The following MDN1 variants were observed in gnomAD, a reference collection of about 807,000 sequenced individuals.
MDN1 encodes the protein midasin AAA ATPase 1.
Under a neutral mutation model 669.2 loss-of-function variants are expected in MDN1, and 266 were observed. The ratio of observed to expected loss-of-function variants is 0.40; its 90% CI spans 0.36 to 0.44. The LOEUF is 0.44. Ranked by LOEUF, MDN1 falls within the 20% of genes least tolerant of loss-of-function variation. The pLI, the probability that MDN1 is intolerant of heterozygous loss-of-function variation, is 1.00. For synonymous variants in MDN1, 2,385 were observed against 2,457.1 expected (o/e 0.97, Z 0.87); for missense variants, 5,940 against 6,754.0 (o/e 0.88, Z 4.22).
chr6:89,803,206 T>C (rs1767776240), intron 2 of MDN1, 122 bp downstream of exon 2: 1 of 821,924 alleles, frequency 1.2e-6, no homozygotes, highest in African/African-American at 1.7e-5. Flanking sequence ...AAAACAATAC[T>C]ATTTATCTCT....
chr6:89,735,262 A>G (rs544257255), intron 33 of MDN1, among the ~76,000 whole-genome samples: 1 of 152,084 alleles, frequency 6.6e-6, no homozygotes, highest in African/African-American at 2.4e-5. Flanking sequence ...ACATTAACCA[A>G]TGTAATACAG....
rs532700971 is a variant in MDN1 at position 89,802,592 on chromosome 6, G to C, written c.329+736C>G. On this transcript the variant is annotated intron_variant, in intron 2 of 101. Transcript: ENST00000369393. ...CCCAGCTACTCAGGAGGCTGAGGCAGGAGAATCAGTTGAACCCAGGAGGGA... is the reference window on the plus strand; with the variant it reads ...CCCAGCTACTCAGGAGGCTGAGGCACGAGAATCAGTTGAACCCAGGAGGGA... Among the ~76,000 whole-genome samples the C allele has an allele frequency of 2.0e-5, 3 of 152,094 alleles. No individual in the cohort carries two copies. The South Asian group carries it at 6.2e-4, about 31-fold the overall frequency.
intron 85 of MDN1, among the ~76,000 whole-genome samples, chr6:89,663,778 CA>C (rs1013801596): frequency 1.1e-3 from 157 of 139,988 alleles, no homozygotes; most frequent in Admixed American, 1.2e-3. Flanking sequence ...ACTAAAAATA[CA>C]AAAAAAAAAA....
intron 1 of MDN1, chr6:89,814,920 C>A (rs560676059): frequency 1.0e-5 from 5 of 482,342 alleles, no homozygotes; most frequent in South Asian, 8.5e-5. Context: ...GTAAGAGACT[C>A]CAGGCTGCAG....
intron 2 of MDN1, among the ~76,000 whole-genome samples, chr6:89,800,880 A>C (rs1453663395): frequency 1.3e-5 from 2 of 152,334 alleles, no homozygotes; most frequent in East Asian, 3.9e-4. Context: ...ACTGAATTGC[A>C]GGGTACCAAA....
chr6:89,685,105 C>G (rs1811917459), intron 70 of MDN1, 120 bp from the exon 71 acceptor site: 1 of 609,762 alleles, frequency 1.6e-6, no homozygotes, highest in African/African-American at 1.8e-5. Flanking sequence ...CATGAGATTA[C>G]AGTGAGTTTC....
Position 89,658,215 on chromosome 6 carries a change from C to T in MDN1, c.15177G>A (p.Gly5059=). Reference sequence around the variant, plus strand: ...CAGTGAAACCACTGATCACCTCTTTCCCCTGCTCCTTCTCAGGTGCGGCCC... The same window carrying T: ...CAGTGAAACCACTGATCACCTCTTTTCCCTGCTCCTTCTCAGGTGCGGCCC... ...LAGAAPEKEQ[G]KEEHGSGAAD... Residue 5059 remains glycine, a synonymous_variant, in exon 90 of 102, where the codon GGG becomes GGA. Transcript: ENST00000369393. The T allele has an allele frequency of 6.2e-7, 1 of 1,614,126 alleles. No homozygotes were observed. Among genetic ancestry groups the T allele is most frequent in the Non-Finnish European group, 8.5e-7 (1 of 1,180,030 alleles).
At chr6:89,670,533 T>A (rs1364925671) in intron 83 of MDN1, among the ~76,000 whole-genome samples, 1 of 152,050 alleles carries the variant, frequency 6.6e-6, no homozygotes, top group Non-Finnish European at 1.5e-5. Flanking sequence ...TACACCAACA[T>A]GGTTAAAAGA....
intron 2 of MDN1, among the ~76,000 whole-genome samples, chr6:89,799,305 G>A (rs984945373): frequency 7.2e-5 from 11 of 152,216 alleles, no homozygotes; most frequent in African/African-American, 2.7e-4. Flanking sequence ...TGTGGGGCAC[G>A]TGCCCAGCAC....
intron 1 of MDN1, among the ~76,000 whole-genome samples, chr6:89,811,164 G>A (rs1275239349): frequency 6.6e-6 from 1 of 152,092 alleles, no homozygotes; most frequent in East Asian, 1.9e-4. Context: ...TATTCTGCAT[G>A]AATACTACTA....
rs1810396719 is a variant in MDN1, at chr6:89,668,142, A to C, written c.13966T>G (p.Leu4656Val). 6.2e-7 allele frequency: 1 copy of C among 1,614,042 alleles called. No homozygotes were observed. The highest frequency in any genetic ancestry group is 8.5e-7 in the Non-Finnish European group (1 of 1,179,954). The change falls in exon 84 of 102, where the codon TTG (leucine) becomes GTG (valine). Residue 4656 changes from leucine (L) to valine (V), a missense_variant. This residue lies in a region of MDN1 where 2,280 missense variants were observed against 2,576.3 expected (regional missense o/e 0.88). Transcript: ENST00000369393. ...FTELAQKGFC[L>V]PKEFMEDSAG... ...GAATCTTCCATAAATTCTTTGGGCA[A>C]GCAAAATCCCTTAGAAAAAAGAAAA...
intron 85 of MDN1, among the ~76,000 whole-genome samples, chr6:89,663,838 A>G (rs1809986163): frequency 6.6e-6 from 1 of 151,648 alleles, no homozygotes; most frequent in African/African-American, 2.4e-5. Flanking sequence ...GCTACTCAGG[A>G]TGCTGAGGCA....
At chr6:89,679,373 C>G (rs536853415) in intron 74 of MDN1, among the ~76,000 whole-genome samples, 2 of 152,148 alleles carry the variant, frequency 1.3e-5, no homozygotes, top group African/African-American at 4.8e-5. Context: ...CCTGAATACA[C>G]GTGGGTACCA....
chr6:89,751,644 A>T, intron 22 of MDN1, 62 bp from the exon 23 acceptor site: 1 of 1,541,470 alleles, frequency 6.5e-7, no homozygotes, highest in Admixed American at 1.9e-5. Context: ...AGAAGGGCAT[A>T]AAGTAGGAAA....
At chr6:89,739,007 T>C (rs994387829) in intron 32 of MDN1, among the ~76,000 whole-genome samples, 4 of 152,372 alleles carry the variant, frequency 2.6e-5, no homozygotes, top group East Asian at 1.9e-4. Context: ...ACAAGGTCAG[T>C]TGACACTATT....
Position 89,648,270 on chromosome 6 carries a change from C to CT in MDN1, c.16265dup (p.Ile5423AspfsTer5), listed in dbSNP as rs748344654. ...AGCAACCTTACCTACACACTGCAAT[C>CT]TGACCCACTTCCAGGAGGGTTAGAG... On this transcript the variant is annotated frameshift_variant, in exon 98 of 102. Transcript: ENST00000369393. LOFTEE classifies it high-confidence loss of function. The CT allele has an allele frequency of 6.2e-7, 1 of 1,614,158 alleles. No homozygotes were observed. Among genetic ancestry groups the CT allele is most frequent in the Non-Finnish European group, 8.5e-7 (1 of 1,179,988 alleles).
chr6:89,818,618 T>C (rs1769010842), intron 1 of MDN1, among the ~76,000 whole-genome samples: 1 of 151,924 alleles, frequency 6.6e-6, no homozygotes, highest in Non-Finnish European at 1.5e-5. Flanking sequence ...GAGACCATCC[T>C]GGCCAACATG....
chr6:89,664,931 A>G (rs1213635572), intron 84 of MDN1, among the ~76,000 whole-genome samples: 2 of 152,218 alleles, frequency 1.3e-5, no homozygotes, highest in South Asian at 2.1e-4. Flanking sequence ...TTATTATCCA[A>G]TTCTTTAATA....
intron 73 of MDN1, among the ~76,000 whole-genome samples, chr6:89,681,287 C>T (rs1343553899): frequency 1.3e-5 from 2 of 152,118 alleles, no homozygotes; most frequent in African/African-American, 4.8e-5. Context: ...GATTCTTGTG[C>T]CTCAGCCTCC....
Sources: allele counts gnomAD v4.1 joint callset (sites outside exome capture counted in the v4.1 genomes callset), GRCh38; gene constraint gnomAD v4.1.1; regional missense constraint gnomAD v4.1.1; transcripts MANE v1.5; gene names NCBI Gene and HGNC (gene_info 2026-07-23, HGNC 2026-07-21).